Variants in LRRC4C observed in about 807,000 individuals in gnomAD.
LRRC4C encodes the protein leucine rich repeat containing 4C, also known as leucine-rich repeat-containing protein 4C.
A neutral mutation model predicts 33.6 loss-of-function variants in LRRC4C; 5 were observed. The observed-to-expected ratio is 0.15, with a 90% CI of 0.08 to 0.31. The LOEUF is 0.31. Among genes scored for constraint, LRRC4C ranks in the 10% least tolerant of loss-of-function variants. The pLI is 1.00. For synonymous variants in LRRC4C, 329 were observed against 302.0 expected (o/e 1.09, Z -0.93); for missense variants, 560 against 796.7 (o/e 0.70, Z 3.58).
intron 4 of LRRC4C, among the ~76,000 whole-genome samples, chr11:40,257,279 A>G (rs1867285137): frequency 6.6e-6 from 1 of 152,196 alleles, no homozygotes. Context: ...ACAAAATACG[A>G]AAGTATTTTC....
In LRRC4C at chr11:40,615,058, G is replaced by T. The variant is rs571559003; in HGVS notation, c.-270+33084C>A. On this transcript the variant is annotated intron_variant, in intron 3 of 6. Transcript: ENST00000528697. Reference sequence around the variant, plus strand: ...TGCCAATAGACTTGCCTTATGCAGGGTTACCACAGACCTTCAATTTGTAAA... The same window carrying T: ...TGCCAATAGACTTGCCTTATGCAGGTTTACCACAGACCTTCAATTTGTAAA... 2.0e-5 allele frequency among the ~76,000 whole-genome samples: 3 copies of T among 151,324 alleles called. No homozygotes were observed. In the East Asian group the frequency reaches 5.9e-4, roughly 30 times the overall value.
chr11:41,042,224 A>G (rs61877002), intron 1 of LRRC4C, among the ~76,000 whole-genome samples: 4,469 of 152,272 alleles, frequency 0.029, 67 homozygotes, highest in Middle Eastern at 0.048. Context: ...TTAGTTGTGA[A>G]TTGCAGTCAC....
chr11:40,548,255 G>A (rs1957003029), intron 3 of LRRC4C, among the ~76,000 whole-genome samples: 1 of 152,056 alleles, frequency 6.6e-6, no homozygotes, highest in Non-Finnish European at 1.5e-5. Context: ...CTGACACCCA[G>A]CAACTCTGCA....
chr11:40,344,174 C>A (rs967179393), intron 3 of LRRC4C, among the ~76,000 whole-genome samples: 1 of 151,818 alleles, frequency 6.6e-6, no homozygotes, highest in Non-Finnish European at 1.5e-5. Flanking sequence ...ATCTTGATAC[C>A]AAAACCTGGC....
At chr11:40,754,826 T>A (rs1005144209) in intron 2 of LRRC4C, among the ~76,000 whole-genome samples, 1 of 152,078 alleles carries the variant, frequency 6.6e-6, no homozygotes, top group Non-Finnish European at 1.5e-5. Context: ...CCCCAAAAGA[T>A]CAGCTGTTGA....
chr11:41,188,912 C>CAA (rs35752552), intron 1 of LRRC4C, among the ~76,000 whole-genome samples: 65 of 137,070 alleles, frequency 4.7e-4, no homozygotes, highest in African/African-American at 1.3e-3. Flanking sequence ...CCCCCCCCCC[C>CAA]AAAAAAAAGT....
At chr11:40,671,182 C>G (rs1944086574) in intron 2 of LRRC4C, among the ~76,000 whole-genome samples, 1 of 152,124 alleles carries the variant, frequency 6.6e-6, no homozygotes, top group Admixed American at 6.5e-5. Context: ...ATATCTATAT[C>G]TAAATTGATG....
intron 3 of LRRC4C, among the ~76,000 whole-genome samples, chr11:40,450,278 T>C (rs1190654527): frequency 6.6e-6 from 1 of 152,194 alleles, no homozygotes; most frequent in African/African-American, 2.4e-5. Context: ...AACAGACTTC[T>C]AGGCAACATA....
intron 2 of LRRC4C, among the ~76,000 whole-genome samples, chr11:40,767,956 A>C (rs1949555267): frequency 6.6e-6 from 1 of 151,990 alleles, no homozygotes. Flanking sequence ...TTCTTCTTGT[A>C]GAAAAAAAAG....
chr11:40,207,643 A>G (rs1224581575), intron 5 of LRRC4C, among the ~76,000 whole-genome samples: 1 of 152,182 alleles, frequency 6.6e-6, no homozygotes, highest in East Asian at 1.9e-4. Context: ...GGCAAGAGAT[A>G]CTTTTCTGAT....
chr11:41,011,339 A>T (rs559635228), intron 1 of LRRC4C, among the ~76,000 whole-genome samples: 10 of 152,238 alleles, frequency 6.6e-5, no homozygotes, highest in Non-Finnish European at 1.3e-4. Context: ...TCAGATATGA[A>T]TAAAAATGGA....
chr11:41,063,772 A>G (rs1937985817), intron 1 of LRRC4C, among the ~76,000 whole-genome samples: 1 of 152,236 alleles, frequency 6.6e-6, no homozygotes, highest in Non-Finnish European at 1.5e-5. Context: ...AATGTTATTA[A>G]TGACCAGTCT....
chr11:41,243,719 T>A (rs1948341086), intron 1 of LRRC4C, among the ~76,000 whole-genome samples: 1 of 152,136 alleles, frequency 6.6e-6, no homozygotes, highest in South Asian at 2.1e-4. Context: ...AGCCTAGGGA[T>A]AATGGAGCAA....
At chr11:40,910,521 A>C (rs1226178489) in intron 2 of LRRC4C, among the ~76,000 whole-genome samples, 1 of 152,318 alleles carries the variant, frequency 6.6e-6, no homozygotes, top group African/African-American at 2.4e-5. Context: ...GGGTAAGTCT[A>C]TGTTTTAGTA....
At chr11:40,476,674 T>G (rs1953253037) in intron 3 of LRRC4C, among the ~76,000 whole-genome samples, 1 of 152,202 alleles carries the variant, frequency 6.6e-6, no homozygotes, top group Non-Finnish European at 1.5e-5. Context: ...CATTAAATTC[T>G]AACTTCTTTT....
intron 2 of LRRC4C, among the ~76,000 whole-genome samples, chr11:40,859,184 G>A (rs12273872): frequency 0.16 from 24,051 of 152,106 alleles, 3,998 homozygotes; most frequent in African/African-American, 0.43. Context: ...TAAGAGAATC[G>A]TGGACTAAGC....
chr11:41,408,759 A>AAAAAAAAAAAAAAC (rs1491429065), intron 1 of LRRC4C, among the ~76,000 whole-genome samples: 2 of 151,526 alleles, frequency 1.3e-5, no homozygotes, highest in African/African-American at 4.9e-5. Flanking sequence ...AAAAAAAAAA[A>AAAAAAAAAAAAAAC]AAAAAAAACT....
At chr11:41,354,476 C>T (rs1952089436) in intron 1 of LRRC4C, among the ~76,000 whole-genome samples, 4 of 151,804 alleles carry the variant, frequency 2.6e-5, no homozygotes, top group Admixed American at 2.0e-4. Flanking sequence ...AATGCTATTC[C>T]TATAAAATTA....
chr11:40,498,684 T>C (rs895197708), intron 3 of LRRC4C, among the ~76,000 whole-genome samples: 7 of 152,068 alleles, frequency 4.6e-5, no homozygotes, highest in Non-Finnish European at 8.8e-5. Context: ...TGCAAAATGC[T>C]TCCCATGAAA....
Sources: gnomAD v4.1 joint callset for allele counts (sites outside exome capture counted in the v4.1 genomes callset) on GRCh38, gnomAD v4.1.1 for gene constraint, MANE v1.5 for transcripts, NCBI Gene and HGNC (gene_info 2026-07-23, HGNC 2026-07-21) for gene names.